The following HERC2 variants were observed in gnomAD, a reference collection of about 807,000 sequenced individuals.
HERC2 encodes the protein HECT and RLD domain containing E3 ubiquitin protein ligase 2.
In HERC2, 102 loss-of-function variants were observed where a neutral mutation model predicts 537.7. That is an observed-to-expected ratio of 0.19 (90% CI 0.16 to 0.22). The LOEUF is 0.22. HERC2 is among the 10% of genes least tolerant of loss of function. HERC2 has a pLI of 1.00. For synonymous variants in HERC2, 2,224 were observed against 2,466.2 expected (o/e 0.90, Z 2.91); for missense variants, 4,236 against 6,198.2 (o/e 0.68, Z 10.63).
At chr15:28,303,129 T>C (rs1472413012) in intron 2 of HERC2, among the ~76,000 whole-genome samples, 3 of 152,194 alleles carry the variant, frequency 2.0e-5, no homozygotes, top group East Asian at 1.9e-4. Flanking sequence ...AGCACTTTCA[T>C]AGTCTGAAGT....
At chr15:28,143,355 C>A (rs1891419074) in intron 74 of HERC2, among the ~76,000 whole-genome samples, 1 of 152,184 alleles carries the variant, frequency 6.6e-6, no homozygotes, top group Non-Finnish European at 1.5e-5. Context: ...GCTGTCGAGA[C>A]AGATTTTCAG....
chr15:28,132,587 G>A lies in HERC2; in HGVS notation c.12408+66C>T, dbSNP rs112718643. On this transcript the variant is annotated intron_variant, in intron 80 of 92. Transcript: ENST00000261609. ...TTTTTCATAACAACGGTGGCAAACC[G>A]CCCCCATCTGACAGCAGCAGTGAGG... 523 of 1,325,806 alleles carry A rather than the reference G, an allele frequency of 3.9e-4. 1 individual carries two copies. The African/African-American group carries it at 7.1e-3, about 18-fold the overall frequency. 82.1% of individuals were successfully genotyped at this position (1,325,806 alleles called of 1,614,324 possible).
chr15:28,244,883 T>A (rs1903506501), intron 23 of HERC2, among the ~76,000 whole-genome samples: 1 of 152,176 alleles, frequency 6.6e-6, no homozygotes. Context: ...AGCTTGAGAT[T>A]TCATATAAAT....
chr15:28,294,970 T>A (rs2076421727), intron 3 of HERC2, among the ~76,000 whole-genome samples: 1 of 151,870 alleles, frequency 6.6e-6, no homozygotes, highest in South Asian at 2.1e-4. Context: ...GCAAAAGATC[T>A]GAACAGAAAC....
intron 14 of HERC2, among the ~76,000 whole-genome samples, chr15:28,264,165 T>C (rs962467893): frequency 6.6e-6 from 1 of 152,102 alleles, no homozygotes; most frequent in Non-Finnish European, 1.5e-5. Flanking sequence ...TAACTAAAGA[T>C]AGGCAAATAT....
rs751824995 is a variant in HERC2, at chr15:28,167,741, C to T, written c.10500G>A (p.Thr3500=). 22 of 1,614,002 alleles carry T rather than the reference C, an allele frequency of 1.4e-5. No individual in the cohort carries two copies. The Admixed American group carries it at 1.5e-4, about 11-fold the overall frequency. Residue 3500 remains threonine, a synonymous_variant, in exon 68 of 93, where the codon ACG becomes ACA. Coordinates refer to ENST00000261609, the MANE Select transcript of HERC2 (RefSeq NM_004667.6). ...SASARPFIPV[T]DDLGAASIIA... ...TGATGCTTGCGGCTCCCAGGTCATC[C>T]GTCACTGGGATAAAAGGCCGAGCGG...
At position 28,213,866 on chromosome 15, in the gene HERC2, C is replaced by T. The variant is rs1304002670; in HGVS notation, c.6662G>A (p.Gly2221Asp). ...TCCAAACTCATCGTGCATAACTTGA[C>T]CGCCCAGGCGCAGGCGACCATCGAT... is the stretch of plus-strand genomic sequence containing the variant. ...GGIDGRLRLG[G>D]QVMHDEFGEG... Residue 2221 changes from glycine to aspartate, a missense_variant, in exon 42 of 93, where the codon GGT becomes GAT. Gly to Asp is a moderately conservative substitution (Grantham distance 94, BLOSUM62 -1). This residue lies in a region of HERC2 where 365 missense variants were observed against 468.8 expected (regional missense o/e 0.78). Coordinates refer to ENST00000261609, the MANE Select transcript of HERC2 (RefSeq NM_004667.6). The T allele has an allele frequency of 6.2e-7, 1 of 1,614,028 alleles. No individual in the cohort carries two copies. Among genetic ancestry groups the T allele is most frequent in the Admixed American group, 1.7e-5 (1 of 60,010 alleles).
intron 55 of HERC2, among the ~76,000 whole-genome samples, chr15:28,189,977 C>T (rs1177300118): frequency 1.3e-5 from 2 of 151,186 alleles, no homozygotes; most frequent in East Asian, 1.9e-4. Context: ...CAACAGTATA[C>T]ATAGTACAAA....
chr15:28,113,549 A>C lies in HERC2; in HGVS notation c.14019+24T>G. ...AGCAGGCAAAAGGCAGCTGCAGGGCAGCCCCACCTGGGGGTCGGCATACCA... is the reference window on the plus strand; with the variant it reads ...AGCAGGCAAAAGGCAGCTGCAGGGCCGCCCCACCTGGGGGTCGGCATACCA... On this transcript the variant is annotated intron_variant, in intron 91 of 92. Coordinates refer to ENST00000261609, the MANE Select transcript of HERC2 (RefSeq NM_004667.6). The surrounding 1 kb of genome is among the most constrained non-coding windows in gnomAD (Gnocchi z 7.0). The C allele has an allele frequency of 6.3e-7, 1 of 1,597,754 alleles. No homozygotes were observed. The highest frequency in any genetic ancestry group is 8.6e-7 in the Non-Finnish European group (1 of 1,165,240).
At chr15:28,255,609 C>A (rs2140891891) in intron 19 of HERC2, among the ~76,000 whole-genome samples, 1 of 152,326 alleles carries the variant, frequency 6.6e-6, no homozygotes, top group African/African-American at 2.4e-5. Flanking sequence ...GCACAGGGAT[C>A]TTTCCGGGTA....
At chr15:28,128,311 C>T (rs182737785) in intron 83 of HERC2, among the ~76,000 whole-genome samples, 230 of 152,240 alleles carry the variant, frequency 1.5e-3, no homozygotes, top group African/African-American at 5.4e-3. Context: ...GCTGGCAGGA[C>T]GAGCCTCCCT....
intron 69 of HERC2, among the ~76,000 whole-genome samples, chr15:28,159,888 G>A (rs1893400545): frequency 6.6e-6 from 1 of 152,156 alleles, no homozygotes; most frequent in Admixed American, 6.5e-5. Flanking sequence ...CTTTGATGAT[G>A]GTGATGTACA....
chr15:28,310,397 A>G (rs1205574560), intron 2 of HERC2, among the ~76,000 whole-genome samples: 1 of 152,136 alleles, frequency 6.6e-6, no homozygotes, highest in Non-Finnish European at 1.5e-5. Flanking sequence ...GTGAGTTGAG[A>G]TCACTCCACT....
chr15:28,277,332 G>A (rs1444537582), intron 5 of HERC2, among the ~76,000 whole-genome samples: 1 of 152,122 alleles, frequency 6.6e-6, no homozygotes, highest in Non-Finnish European at 1.5e-5. Context: ...AAGATAGGCA[G>A]GCTATCAAAA....
chr15:28,150,150 C>T (rs931060318), intron 70 of HERC2, among the ~76,000 whole-genome samples: 1 of 151,628 alleles, frequency 6.6e-6, no homozygotes, highest in Non-Finnish European at 1.5e-5. Flanking sequence ...AATAGCCGCA[C>T]AAATGCACAT....
intron 2 of HERC2, among the ~76,000 whole-genome samples, chr15:28,305,160 A>G (rs1432792329): frequency 4.4e-5 from 6 of 137,694 alleles, no homozygotes; most frequent in Admixed American, 7.3e-5. Flanking sequence ...ATTGTGAATA[A>G]TGCCGCAATA....
At chr15:28,120,808 A>G (rs1888797557) in intron 86 of HERC2, among the ~76,000 whole-genome samples, 1 of 152,238 alleles carries the variant, frequency 6.6e-6, no homozygotes, top group Non-Finnish European at 1.5e-5. Context: ...ACACCCAGAT[A>G]GCCCTGCCTG....
rs1214087718 is a variant in HERC2, at chr15:28,215,607, T to G, written c.6210+14A>C. The G allele has an allele frequency of 5.7e-6, 9 of 1,590,222 alleles. No individual in the cohort carries two copies. In the African/African-American group the frequency reaches 1.2e-4, roughly 21 times the overall value. On this transcript the variant is annotated intron_variant, in intron 39 of 92. Coordinates refer to ENST00000261609, the MANE Select transcript of HERC2 (RefSeq NM_004667.6). ...CCTCTCTCAGGGAACTGGTTTTGCC[T>G]GGCAGCACATTACCTGCCTCTGCAG...
Position 28,169,508 on chromosome 15 carries a change from G to C in HERC2, c.10205C>G (p.Thr3402Arg), listed in dbSNP as rs749384043. The change falls in exon 66 of 93, where the codon ACA becomes AGA. Residue 3402 changes from threonine to arginine, a missense_variant. Physicochemically the swap from Thr to Arg is moderately conservative, Grantham distance 71. Coordinates refer to ENST00000261609, the MANE Select transcript of HERC2 (RefSeq NM_004667.6). ...CCTGGCATACATGATTTGCAATGCT[G>C]TAAGAATATGTGATAAGGCCTGCTG... is the stretch of plus-strand genomic sequence containing the variant. The part of the protein sequence containing the change: ...AKQQALSHIL[T>R]ALQIMYARDA... 1.9e-6 allele frequency: 3 copies of C among 1,608,048 alleles called. No homozygotes were observed. The highest frequency in any genetic ancestry group is 2.7e-5 in the African/African-American group (2 of 74,756).
Sources: allele counts gnomAD v4.1 joint callset (sites outside exome capture counted in the v4.1 genomes callset), GRCh38; gene constraint gnomAD v4.1.1; regional missense constraint gnomAD v4.1.1; non-coding constraint Gnocchi (gnomAD v3.1); transcripts MANE v1.5; gene names NCBI Gene and HGNC (gene_info 2026-07-23, HGNC 2026-07-21).